Variants in STK35 observed in about 807,000 individuals in gnomAD.
STK35 encodes the protein serine/threonine-protein kinase 35.
In STK35, 17 loss-of-function variants were observed where a neutral mutation model predicts 37.3. That is an observed-to-expected ratio of 0.46 (90% CI 0.31 to 0.68). STK35 has a LOEUF of 0.68. Among genes scored for constraint, STK35 ranks in the 30% least tolerant of loss-of-function variants. The probability of loss-of-function intolerance (pLI) is 0.05; values close to 1 mark genes in which losing one functional copy is unlikely to be tolerated. For missense variants in STK35, 595 were observed against 746.7 expected, an observed-to-expected ratio of 0.80 and a Z score of 2.37; for synonymous variants, 385 against 319.1, an observed-to-expected ratio of 1.21 and a Z score of -2.20.
chr20:2,117,934 C>G lies in STK35; in HGVS notation c.*37+519C>G, dbSNP rs1218828219. Reference sequence around the variant, plus strand: ...TACACGTTGGAAAGTCTAGAGAAGTCTTCTCAGAGGAGGTTGCGTTTAAGC... The same window carrying G: ...TACACGTTGGAAAGTCTAGAGAAGTGTTCTCAGAGGAGGTTGCGTTTAAGC... On this transcript the variant is annotated intron_variant, in intron 3 of 3. Coordinates refer to ENST00000381482, the MANE Select transcript of STK35 (RefSeq NM_080836.4). This position sits in a 1 kb window ranked among gnomAD's most constrained non-coding sequence, Gnocchi z 4.4. Among the ~76,000 whole-genome samples, 3 of 152,214 alleles carry G rather than the reference C, an allele frequency of 2.0e-5. No individual in the cohort carries two copies. The highest frequency in any genetic ancestry group is 6.5e-5 in the Admixed American group (1 of 15,282).
At chr20:2,112,029 A>G (rs542345209) in intron 2 of STK35, among the ~76,000 whole-genome samples, 115 of 152,320 alleles carry the variant, frequency 7.5e-4, no homozygotes, top group Middle Eastern at 3.4e-3. Context: ...CCAGAAGCCT[A>G]TGTAAGGGCA....
chr20:2,123,809 G>A (rs1985859996), intron 3 of STK35, among the ~76,000 whole-genome samples: 1 of 152,110 alleles, frequency 6.6e-6, no homozygotes, highest in Admixed American at 6.5e-5. Context: ...TCTCAGGATG[G>A]CCAGGAACTA....
chr20:2,143,953 C>CTT lies in STK35; in HGVS notation c.*210_*211dup. On this transcript the variant is annotated 3_prime_UTR_variant, in exon 4 of 4. Transcript: ENST00000381482. Reference sequence around the variant, plus strand: ...AGTTTTGCTTTATTTTTTTCCTTTTCTTTTCTTTTTTTTTTTTCCTCTTTC... The same window carrying CTT: ...AGTTTTGCTTTATTTTTTTCCTTTTCTTTTTTCTTTTTTTTTTTTCCTCTTTC... The CTT allele has an allele frequency of 1.7e-5, 6 of 361,506 alleles. No individual in the cohort carries two copies. The highest frequency in any genetic ancestry group is 4.4e-5 in the Admixed American group (1 of 22,720). The allele number at this position is 361,506 out of a possible 1,614,324, so 22.4% of individuals were successfully genotyped here. A position where few individuals can be genotyped will look rare whatever the true frequency, so the allele number is the denominator to read the frequency against.
chr20:2,103,346 G>A lies in STK35; in HGVS notation c.873G>A (p.Leu291=). The A allele has an allele frequency of 2.5e-6, 4 of 1,611,478 alleles. No homozygotes were observed. Among genetic ancestry groups the A allele is most frequent in the South Asian group, 1.1e-5 (1 of 91,006 alleles). ...GNKSSQLYLR[L]VETSLKGERI... ...AGAGCTCGCAGCTTTACCTGCGCCT[G>A]GTGGAGACCTCGCTGAAAGGTAGGA... The change falls in exon 2 of 4, where the codon CTG becomes CTA. Residue 291 remains leucine, a synonymous_variant. Coordinates refer to ENST00000381482, the MANE Select transcript of STK35 (RefSeq NM_080836.4).
In STK35 at chr20:2,103,023, G is replaced by T; in HGVS notation, c.550G>T (p.Ala184Ser). 6.8e-7 allele frequency: 1 copy of T among 1,460,458 alleles called. No homozygotes were observed. The allele number at this position is 1,460,458 out of a possible 1,614,324, so 90.5% of individuals were successfully genotyped here. Reference sequence around the variant, plus strand: ...GGTGGCGGCCGAGGCCCCGGGCGAGGCCTTCCTGGCGCGGCGACGGCCTGA... The same window carrying T: ...GGTGGCGGCCGAGGCCCCGGGCGAGTCCTTCCTGGCGCGGCGACGGCCTGA... Reference protein sequence around the residue: ...DPVAAEAPGEAFLARRRPEGG... With the variant: ...DPVAAEAPGESFLARRRPEGG... The change falls in exon 2 of 4, where the codon GCC (alanine) becomes TCC (serine). Residue 184 changes from alanine (A) to serine (S), a missense_variant. Around this residue, in one of 3 missense-constraint regions of STK35, gnomAD observed 389 missense variants for 320.0 expected, o/e 1.22. Coordinates refer to ENST00000381482, the MANE Select transcript of STK35 (RefSeq NM_080836.4).
At chr20:2,135,815 G>C (rs957295134) in intron 3 of STK35, among the ~76,000 whole-genome samples, 1 of 152,128 alleles carries the variant, frequency 6.6e-6, no homozygotes, top group African/African-American at 2.4e-5. Context: ...GCACTGCTGC[G>C]CTCCAGCTTG....
intron 3 of STK35, among the ~76,000 whole-genome samples, chr20:2,128,677 A>C (rs1241032712): frequency 6.6e-6 from 1 of 152,154 alleles, no homozygotes; most frequent in Non-Finnish European, 1.5e-5. Flanking sequence ...TGAATGTCTC[A>C]AGGTGATCTC....
intron 2 of STK35, among the ~76,000 whole-genome samples, chr20:2,113,230 A>G (rs1985652558): frequency 6.6e-6 from 1 of 152,230 alleles, no homozygotes; most frequent in Admixed American, 6.5e-5. Context: ...AGACTGAGTA[A>G]GAAATCTAGT....
At chr20:2,138,187 C>G (rs1986117106) in intron 3 of STK35, among the ~76,000 whole-genome samples, 1 of 152,110 alleles carries the variant, frequency 6.6e-6, no homozygotes, top group South Asian at 2.1e-4. Context: ...CAATAATACC[C>G]CACTTTGAGT....
intron 2 of STK35, among the ~76,000 whole-genome samples, chr20:2,111,884 G>C (rs917131635): frequency 1.3e-5 from 2 of 152,066 alleles, no homozygotes; most frequent in Non-Finnish European, 2.9e-5. Flanking sequence ...CCTCATCCTG[G>C]GAGACGCAGC....
In STK35 at chr20:2,145,864, C is replaced by T. The variant is rs1428726321; in HGVS notation, c.*2118C>T. 1 of 152,190 alleles carries T rather than the reference C, an allele frequency of 6.6e-6. No homozygotes were observed. Among genetic ancestry groups the T allele is most frequent in the Non-Finnish European group, 1.5e-5 (1 of 68,084 alleles). 9.4% of individuals were successfully genotyped at this position (152,190 alleles called of 1,614,324 possible). A position where few individuals can be genotyped will look rare whatever the true frequency, so the allele number is the denominator to read the frequency against. On this transcript the variant is annotated 3_prime_UTR_variant, in exon 4 of 4. Transcript: ENST00000381482. ...GCACCCCCCTCTCCCTGGCTGCAGCCCACACTGTAACATCCCTAGTGAGGC... is the reference window on the plus strand; with the variant it reads ...GCACCCCCCTCTCCCTGGCTGCAGCTCACACTGTAACATCCCTAGTGAGGC...
chr20:2,104,246 T>C (rs1418033), intron 2 of STK35, among the ~76,000 whole-genome samples: 78,771 of 151,894 alleles, frequency 0.52, 21,231 homozygotes, highest in East Asian at 0.94. Flanking sequence ...AGTGTCTGCT[T>C]GGAGAGGAGA....
chr20:2,135,428 TG>T (rs1986070170), intron 3 of STK35, among the ~76,000 whole-genome samples: 1 of 152,222 alleles, frequency 6.6e-6, no homozygotes, highest in Non-Finnish European at 1.5e-5. Context: ...ATGTGGCATA[TG>T]GGAGTCCTCC....
rs73892043 is a variant in STK35 at position 2,139,654 on chromosome 20, G to A, written c.*38-4130G>A. Among the ~76,000 whole-genome samples, 184 of 152,282 alleles carry A rather than the reference G, an allele frequency of 1.2e-3. 1 individual carries two copies. Among genetic ancestry groups the A allele is most frequent in the African/African-American group, 4.2e-3 (173 of 41,548 alleles). Reference sequence around the variant, plus strand: ...GGGACGATAACCCCTACCTCTTAGGGTTGCTGGGGTGAAATGAGGCAATGG... The same window carrying A: ...GGGACGATAACCCCTACCTCTTAGGATTGCTGGGGTGAAATGAGGCAATGG... On this transcript the variant is annotated intron_variant, in intron 3 of 3. Transcript: ENST00000381482.
chr20:2,130,644 T>C (rs891142025), intron 3 of STK35, among the ~76,000 whole-genome samples: 6 of 152,170 alleles, frequency 3.9e-5, no homozygotes, highest in Admixed American at 3.9e-4. Flanking sequence ...GGCTGTAAAA[T>C]TGATTTTGAG....
Position 2,103,140 on chromosome 20 carries a change from C to T in STK35, c.667C>T (p.Arg223Cys). 3.1e-6 allele frequency: 5 copies of T among 1,604,404 alleles called. No individual in the cohort carries two copies. The highest frequency in any genetic ancestry group is 2.5e-6 in the Non-Finnish European group (3 of 1,179,026). ...YGVVYEAVAG[R>C]SGARVAVKKI... ...CGTGGTTTATGAGGCAGTGGCCGGG[C>T]GCAGCGGGGCCCGGGTGGCGGTCAA... Residue 223 changes from arginine (R) to cysteine (C), a missense_variant, in exon 2 of 4, where the codon CGC becomes TGC. Transcript: ENST00000381482.
chr20:2,137,502 G>A (rs961527896), intron 3 of STK35, among the ~76,000 whole-genome samples: 3 of 152,228 alleles, frequency 2.0e-5, no homozygotes, highest in Non-Finnish European at 4.4e-5. Flanking sequence ...ATGGAGCACT[G>A]CGAAGCTCCT....
At chr20:2,105,622 A>T (rs1330156948) in intron 2 of STK35, among the ~76,000 whole-genome samples, 1 of 152,216 alleles carries the variant, frequency 6.6e-6, no homozygotes, top group Non-Finnish European at 1.5e-5. Context: ...GATAGTGGGT[A>T]TGTACCTATG....
chr20:2,103,552 C>G (rs1012934519), intron 2 of STK35, among the ~76,000 whole-genome samples, 187 bp downstream of exon 2: 15 of 152,174 alleles, frequency 9.9e-5, no homozygotes, highest in African/African-American at 3.6e-4. Context: ...AAGATCAGTC[C>G]CTGGGCCTAA....
Sources: gnomAD v4.1 joint callset for allele counts (sites outside exome capture counted in the v4.1 genomes callset) on GRCh38, gnomAD v4.1.1 for gene constraint, gnomAD v4.1.1 regional missense constraint, Gnocchi (gnomAD v3.1) non-coding constraint, MANE v1.5 for transcripts, NCBI Gene and HGNC (gene_info 2026-07-23, HGNC 2026-07-21) for gene names.